CDC42BPA: variants seen among roughly 807,000 people sequenced by gnomAD.
CDC42BPA encodes the protein CDC42 binding protein kinase alpha, also known as serine/threonine-protein kinase MRCK alpha.
In CDC42BPA, 80 loss-of-function variants were observed where a neutral mutation model predicts 223.5. The observed-to-expected ratio is 0.36, with a 90% CI of 0.30 to 0.43. The LOEUF (loss-of-function observed/expected upper bound fraction) is 0.43. Among genes scored for constraint, CDC42BPA ranks in the 20% least tolerant of loss-of-function variants. The probability of loss-of-function intolerance (pLI) is 1.00; values close to 1 mark genes in which losing one functional copy is unlikely to be tolerated. For synonymous variants in CDC42BPA, 694 were observed against 718.6 expected, an observed-to-expected ratio of 0.97 and a Z score of 0.55; for missense variants, 1,743 against 2,099.9, an observed-to-expected ratio of 0.83 and a Z score of 3.32.
intron 21 of CDC42BPA, among the ~76,000 whole-genome samples, chr1:227,057,737 G>T (rs1558395825): frequency 6.6e-6 from 1 of 152,098 alleles, no homozygotes; most frequent in Non-Finnish European, 1.5e-5. Flanking sequence ...ATAGATTATG[G>T]TTAATTATAG....
At chr1:227,247,028 C>T (rs1394652960) in intron 2 of CDC42BPA, among the ~76,000 whole-genome samples, 2 of 151,810 alleles carry the variant, frequency 1.3e-5, no homozygotes, top group Non-Finnish European at 2.9e-5. Context: ...TGGTGAAACC[C>T]CATCTCTACT....
chr1:227,089,651 T>TTTTA (rs779008184), intron 16 of CDC42BPA, among the ~76,000 whole-genome samples: 4 of 118,910 alleles, frequency 3.4e-5, no homozygotes, highest in African/African-American at 6.5e-5. Flanking sequence ...TTTTTTTTTT[T>TTTTA]AAAAACAAAC....
At chr1:227,256,337 G>A (rs1373847989) in intron 1 of CDC42BPA, among the ~76,000 whole-genome samples, 1 of 152,098 alleles carries the variant, frequency 6.6e-6, no homozygotes, top group African/African-American at 2.4e-5. Flanking sequence ...GGGCCAAGAG[G>A]AGGGAAAGCA....
chr1:227,214,541 G>A (rs1320377050), intron 2 of CDC42BPA, among the ~76,000 whole-genome samples: 3 of 152,158 alleles, frequency 2.0e-5, no homozygotes, highest in African/African-American at 2.4e-5. Flanking sequence ...AACACACCAC[G>A]TGAGCTATTG....
intron 1 of CDC42BPA, among the ~76,000 whole-genome samples, chr1:227,285,729 G>T (rs1044974138): frequency 6.6e-6 from 1 of 152,104 alleles, no homozygotes. Flanking sequence ...ATCTCCACCT[G>T]TTTCTCTGTC....
chr1:227,034,584 T>A, intron 26 of CDC42BPA, 71 bp downstream of exon 26: 1 of 1,409,644 alleles, frequency 7.1e-7, no homozygotes. Context: ...GGCAACACAA[T>A]TTTTGAAAAT....
intron 24 of CDC42BPA, among the ~76,000 whole-genome samples, chr1:227,038,051 T>C (rs1277013345): frequency 3.3e-5 from 5 of 152,202 alleles, no homozygotes; most frequent in Non-Finnish European, 7.3e-5. Context: ...GCTGTGTTCC[T>C]ACCCAAATCT....
In CDC42BPA at chr1:227,160,183, G is replaced by A. The variant is rs186538092; in HGVS notation, c.693+360C>T. 2.6e-4 allele frequency among the ~76,000 whole-genome samples: 40 copies of A among 152,212 alleles called. No individual in the cohort carries two copies. The East Asian group carries it at 4.4e-3, about 17-fold the overall frequency. ...AAGAAAGACAAAAAAGTAAAAGTGC[G>A]GGCAAAGCTGCGTTTTCTTTTTCTA... On this transcript the variant is annotated intron_variant, in intron 6 of 36. Transcript: ENST00000366766.
At chr1:227,241,050 T>G (rs971704257) in intron 2 of CDC42BPA, among the ~76,000 whole-genome samples, 1 of 151,874 alleles carries the variant, frequency 6.6e-6, no homozygotes, top group African/African-American at 2.4e-5. Context: ...AGCAAAAAAT[T>G]TGAACATATA....
At chr1:227,120,618 G>C (rs1688498512) in intron 11 of CDC42BPA, among the ~76,000 whole-genome samples, 1 of 152,104 alleles carries the variant, frequency 6.6e-6, no homozygotes, top group Admixed American at 6.5e-5. Flanking sequence ...GATAAGAGGG[G>C]CTTTTAAGAA....
intron 14 of CDC42BPA, among the ~76,000 whole-genome samples, chr1:227,103,452 T>G (rs947008896): frequency 6.6e-6 from 1 of 152,086 alleles, no homozygotes; most frequent in African/African-American, 2.4e-5. Context: ...AATGTACATA[T>G]TCAATATTTT....
At chr1:227,043,239 C>T (rs557569186) in intron 23 of CDC42BPA, among the ~76,000 whole-genome samples, 3 of 151,998 alleles carry the variant, frequency 2.0e-5, no homozygotes, top group Admixed American at 2.0e-4. Flanking sequence ...ATGGTGAAAC[C>T]CCGTCTCTAT....
In CDC42BPA at chr1:227,067,579, T is replaced by C. The variant is rs1445673472; in HGVS notation, c.2904+2198A>G. 3.3e-5 allele frequency among the ~76,000 whole-genome samples: 5 copies of C among 152,122 alleles called. No homozygotes were observed. In the East Asian group the frequency reaches 7.7e-4, roughly 23 times the overall value. On this transcript the variant is annotated intron_variant, in intron 21 of 36. Transcript: ENST00000366766. The stretch of plus-strand genomic sequence containing the variant: ...GCAATACCACTGTACACGAGGAGAG[T>C]TCTCTTTTTATCACACTATAGAGTT...
At chr1:227,243,397 C>G in intron 2 of CDC42BPA, among the ~76,000 whole-genome samples, 1 of 129,942 alleles carries the variant, frequency 7.7e-6, no homozygotes. Context: ...AGGGGCCCAA[C>G]TTAAAAGTTT....
At chr1:227,135,545 G>A (rs1658307954) in intron 10 of CDC42BPA, among the ~76,000 whole-genome samples, 1 of 152,036 alleles carries the variant, frequency 6.6e-6, no homozygotes, top group African/African-American at 2.4e-5. Flanking sequence ...CAAAGGTAGG[G>A]TTGAGTCTAA....
At chr1:227,071,026 TAAAA>T (rs1400904871) in intron 20 of CDC42BPA, among the ~76,000 whole-genome samples, 1 of 151,970 alleles carries the variant, frequency 6.6e-6, no homozygotes, top group Non-Finnish European at 1.5e-5. Context: ...TTCCATTAAT[TAAAA>T]CCTAGCTTGA....
chr1:227,091,814 A>T, intron 16 of CDC42BPA, 72 bp downstream of exon 16: 1 of 753,910 alleles, frequency 1.3e-6, no homozygotes, highest in Non-Finnish European at 2.2e-6. Context: ...ATATAAAGTT[A>T]TACCCACAAT....
Position 227,040,256 on chromosome 1 carries a change from A to G in CDC42BPA, c.3094-20T>C. On this transcript the variant is annotated intron_variant, in intron 23 of 36. Coordinates refer to ENST00000366766, the MANE Select transcript of CDC42BPA (RefSeq NM_001394014.1). ...CTTGCGCTGCAAAACAAATTGATAA[A>G]AAAACACACAGATTGTTTAAAAGAT... 1.4e-6 allele frequency: 2 copies of G among 1,426,520 alleles called. No homozygotes were observed. The highest frequency in any genetic ancestry group is 1.1e-5 in the South Asian group (1 of 87,056). The allele number at this position is 1,426,520 out of a possible 1,614,324, so 88.4% of individuals were successfully genotyped here. A position where few individuals can be genotyped will look rare whatever the true frequency, so the allele number is the denominator to read the frequency against.
chr1:227,061,910 T>A (rs1222124672), intron 21 of CDC42BPA, among the ~76,000 whole-genome samples: 1 of 152,192 alleles, frequency 6.6e-6, no homozygotes, highest in Non-Finnish European at 1.5e-5. Flanking sequence ...CTCCTCTTCC[T>A]TAAACTCCTG....
Sources: allele counts gnomAD v4.1 joint callset (sites outside exome capture counted in the v4.1 genomes callset), GRCh38; gene constraint gnomAD v4.1.1; transcripts MANE v1.5; gene names NCBI Gene and HGNC (gene_info 2026-07-23, HGNC 2026-07-21).